The following AUH variants were observed in gnomAD, a reference collection of about 807,000 sequenced individuals.
AUH encodes AU RNA binding methylglutaconyl-CoA hydratase.
AUH carries 29 observed loss-of-function variants against 42.3 expected under a neutral mutation model. The observed-to-expected ratio is 0.69, with a 90% CI of 0.51 to 0.93. The LOEUF is 0.93. AUH is among the 40% of genes least tolerant of loss of function. The probability of loss-of-function intolerance (pLI) is 0.00; values close to 1 mark genes in which losing one functional copy is unlikely to be tolerated. For synonymous variants in AUH, 174 were observed against 166.4 expected, an observed-to-expected ratio of 1.05 and a Z score of -0.35; for missense variants, 452 against 438.1, an observed-to-expected ratio of 1.03 and a Z score of -0.28.
chr9:91,295,146 A>G (rs978571927), intron 6 of AUH, among the ~76,000 whole-genome samples: 4 of 152,054 alleles, frequency 2.6e-5, no homozygotes, highest in African/African-American at 9.7e-5. Flanking sequence ...TCTACGTAAG[A>G]CATGCCTTTG....
chr9:91,325,921 A>G (rs1829937903), intron 3 of AUH, among the ~76,000 whole-genome samples: 1 of 152,176 alleles, frequency 6.6e-6, no homozygotes, highest in Non-Finnish European at 1.5e-5. Flanking sequence ...TTTTGACTTC[A>G]TGGATGCCTG....
chr9:91,319,361 A>T (rs896465637), intron 4 of AUH, among the ~76,000 whole-genome samples: 8 of 152,218 alleles, frequency 5.3e-5, no homozygotes, highest in African/African-American at 1.9e-4. Context: ...CTGTTACAGT[A>T]GGTAGCTAAT....
At chr9:91,284,881 C>G (rs2131587035) in intron 6 of AUH, among the ~76,000 whole-genome samples, 1 of 152,284 alleles carries the variant, frequency 6.6e-6, no homozygotes, top group Admixed American at 6.5e-5. Context: ...ACTAGTTCAA[C>G]CACTGTGGAA....
chr9:91,272,910 T>C (rs1014929809), intron 6 of AUH, among the ~76,000 whole-genome samples: 7 of 152,070 alleles, frequency 4.6e-5, no homozygotes, highest in African/African-American at 1.7e-4. Context: ...GAGAGCAAAA[T>C]ACTGACTACA....
intron 6 of AUH, among the ~76,000 whole-genome samples, chr9:91,277,787 C>T (rs1825659556): frequency 6.6e-6 from 1 of 152,034 alleles, no homozygotes; most frequent in Admixed American, 6.6e-5. Flanking sequence ...AAATTATTTC[C>T]AACTATGATT....
chr9:91,242,146 G>A (rs1327102983), intron 6 of AUH, among the ~76,000 whole-genome samples: 5 of 152,202 alleles, frequency 3.3e-5, no homozygotes, highest in African/African-American at 1.2e-4. Flanking sequence ...GCCAGGGCGA[G>A]TGAGTCAAGG....
rs530724550 is a variant in AUH, at chr9:91,220,780, A to C, written c.843+25T>G. 9.3e-6 allele frequency: 15 copies of C among 1,611,992 alleles called. No individual in the cohort carries two copies. The Admixed American group carries it at 2.5e-4, about 27-fold the overall frequency. On this transcript the variant is annotated intron_variant, in intron 7 of 9. Coordinates refer to ENST00000375731, the MANE Select transcript of AUH (RefSeq NM_001698.3). Reference sequence around the variant, plus strand: ...TATAATGTTTCCTAAAATGAGAAAAAATAAACTCATTTAATGAGAAATACC... The same window carrying C: ...TATAATGTTTCCTAAAATGAGAAAACATAAACTCATTTAATGAGAAATACC...
chr9:91,226,132 T>C, intron 6 of AUH, among the ~76,000 whole-genome samples: 1 of 149,202 alleles, frequency 6.7e-6, no homozygotes, highest in African/African-American at 2.5e-5. Context: ...CCACACTGAC[T>C]TCCACAATGG....
intron 3 of AUH, among the ~76,000 whole-genome samples, chr9:91,351,597 A>G (rs984777198): frequency 5.3e-5 from 8 of 152,204 alleles, no homozygotes; most frequent in African/African-American, 1.9e-4. Context: ...GATGAATGGT[A>G]CTGGTCTGTG....
At chr9:91,346,394 T>C (rs551983188) in intron 3 of AUH, among the ~76,000 whole-genome samples, 2 of 152,298 alleles carry the variant, frequency 1.3e-5, no homozygotes, top group African/African-American at 2.4e-5. Context: ...ATGGATGTGC[T>C]GGGTAAGTGG....
intron 6 of AUH, among the ~76,000 whole-genome samples, chr9:91,278,073 A>G (rs988707553): frequency 2.0e-5 from 3 of 152,228 alleles, no homozygotes; most frequent in Admixed American, 6.5e-5. Context: ...AAGAAACAGC[A>G]GAAGGTAGAA....
At chr9:91,360,591 C>A (rs1832773386) in intron 1 of AUH, among the ~76,000 whole-genome samples, 1 of 152,198 alleles carries the variant, frequency 6.6e-6, no homozygotes, top group Admixed American at 6.5e-5. Context: ...TGAGATAAGT[C>A]TGCCCAAGAA....
chr9:91,339,975 G>A (rs980135194), intron 3 of AUH, among the ~76,000 whole-genome samples: 5 of 152,180 alleles, frequency 3.3e-5, no homozygotes, highest in African/African-American at 1.2e-4. Flanking sequence ...GAAAGGTGGG[G>A]TAACCTCTCA....
At chr9:91,299,891 T>A (rs1011770983) in intron 4 of AUH, among the ~76,000 whole-genome samples, 3 of 152,144 alleles carry the variant, frequency 2.0e-5, no homozygotes, top group Non-Finnish European at 4.4e-5. Flanking sequence ...GAAGCCTTCC[T>A]TAGGCCTTGC....
chr9:91,231,848 C>T (rs1827902130), intron 6 of AUH, among the ~76,000 whole-genome samples: 1 of 152,262 alleles, frequency 6.6e-6, no homozygotes, highest in African/African-American at 2.4e-5. Flanking sequence ...ATTCCCAGGA[C>T]ACTCCTGCAG....
chr9:91,312,924 A>G (rs1277283663), intron 4 of AUH, among the ~76,000 whole-genome samples: 1 of 152,218 alleles, frequency 6.6e-6, no homozygotes, highest in Non-Finnish European at 1.5e-5. Context: ...GTGATTCATG[A>G]GGCAGGGCAG....
intron 4 of AUH, among the ~76,000 whole-genome samples, chr9:91,316,600 A>C (rs897952904): frequency 1.3e-5 from 2 of 152,216 alleles, no homozygotes; most frequent in Non-Finnish European, 2.9e-5. Flanking sequence ...ATGGCATCCC[A>C]CTGTGGTCTT....
intron 6 of AUH, among the ~76,000 whole-genome samples, chr9:91,232,133 C>G (rs1207749903): frequency 6.6e-6 from 1 of 152,088 alleles, no homozygotes; most frequent in Non-Finnish European, 1.5e-5. Context: ...ACCTGTAATC[C>G]CAGCACTTTA....
chr9:91,283,840 T>C (rs1348033996), intron 6 of AUH, among the ~76,000 whole-genome samples: 1 of 152,200 alleles, frequency 6.6e-6, no homozygotes, highest in African/African-American at 2.4e-5. Context: ...GAACATTCCA[T>C]GCTCATAGAT....
Sources: allele counts gnomAD v4.1 joint callset (sites outside exome capture counted in the v4.1 genomes callset), GRCh38; gene constraint gnomAD v4.1.1; transcripts MANE v1.5; gene names NCBI Gene and HGNC (gene_info 2026-07-23, HGNC 2026-07-21).